The following CAMKMT variants were observed in gnomAD, a reference collection of about 807,000 sequenced individuals.
The protein encoded by CAMKMT is calmodulin-lysine N-methyltransferase.
Under a neutral mutation model 48.0 loss-of-function variants are expected in CAMKMT, and 53 were observed. The ratio of observed to expected loss-of-function variants is 1.10; its 90% CI spans 0.89 to 1.39. The LOEUF (loss-of-function observed/expected upper bound fraction) is 1.39, where lower values mean the gene tolerates loss of function less well. CAMKMT is among the 40% of genes most tolerant of loss of function. CAMKMT has a pLI of 0.00. For missense variants in CAMKMT, 428 were observed against 402.7 expected (o/e 1.06, Z -0.54); for synonymous variants, 165 against 152.3 (o/e 1.08, Z -0.61).
At chr2:44,409,195 A>G (rs185768810) in intron 3 of CAMKMT, among the ~76,000 whole-genome samples, 1 of 138,896 alleles carries the variant, frequency 7.2e-6, no homozygotes, top group African/African-American at 2.9e-5. Flanking sequence ...ATATTGCTAC[A>G]TAAAGACAAC....
chr2:44,570,169 C>T (rs954837061), intron 3 of CAMKMT, among the ~76,000 whole-genome samples: 1 of 152,108 alleles, frequency 6.6e-6, no homozygotes, highest in African/African-American at 2.4e-5. Flanking sequence ...AAATGAATGT[C>T]TGAAATAAAA....
intron 3 of CAMKMT, among the ~76,000 whole-genome samples, chr2:44,428,179 C>T (rs1308108596): frequency 1.3e-5 from 2 of 152,112 alleles, no homozygotes; most frequent in Non-Finnish European, 2.9e-5. Context: ...TCAGATCACA[C>T]GGACTTGAAG....
At chr2:44,417,915 G>A (rs868674098) in intron 3 of CAMKMT, among the ~76,000 whole-genome samples, 5 of 152,022 alleles carry the variant, frequency 3.3e-5, no homozygotes, top group East Asian at 1.9e-4. Flanking sequence ...GTTGTAGGCC[G>A]GGCATTGTGG....
intron 3 of CAMKMT, among the ~76,000 whole-genome samples, chr2:44,558,040 TTCATTCATTC>T (rs1558701533): frequency 3.8e-4 from 11 of 29,156 alleles, no homozygotes; most frequent in Admixed American, 3.3e-3. Context: ...TATTTATTCA[TTCATTCATTC>T]ATTCATTCAT....
intron 3 of CAMKMT, among the ~76,000 whole-genome samples, chr2:44,508,824 G>A (rs939081257): frequency 2.0e-5 from 3 of 152,082 alleles, no homozygotes; most frequent in African/African-American, 7.2e-5. Flanking sequence ...AGCTGGGTGT[G>A]GTGGCTCACG....
At chr2:44,424,175 A>G (rs955812573) in intron 3 of CAMKMT, among the ~76,000 whole-genome samples, 3 of 151,918 alleles carry the variant, frequency 2.0e-5, no homozygotes, top group African/African-American at 7.3e-5. Flanking sequence ...TATACCTTAT[A>G]TATTATCTAA....
At chr2:44,432,958 G>A (rs926128093) in intron 3 of CAMKMT, among the ~76,000 whole-genome samples, 1 of 152,096 alleles carries the variant, frequency 6.6e-6, no homozygotes, top group Non-Finnish European at 1.5e-5. Context: ...TTGGCACATG[G>A]TAAATGCTCA....
intron 3 of CAMKMT, among the ~76,000 whole-genome samples, chr2:44,449,757 T>C (rs1667193329): frequency 6.6e-6 from 1 of 152,158 alleles, no homozygotes; most frequent in African/African-American, 2.4e-5. Context: ...GTATCTGACA[T>C]GAAATAACAC....
rs945804868 is a variant in CAMKMT, at chr2:44,467,068, T to C, written c.376+76763T>C. 3.0e-4 allele frequency among the ~76,000 whole-genome samples: 45 copies of C among 151,932 alleles called. 1 individual carries two copies. The highest frequency in any genetic ancestry group is 1.1e-3 in the African/African-American group (44 of 41,356). ...GAGTTTGAGATCAGCCTGGGCAACA[T>C]AGTGAGACCCTGTCTATACAAAAAA... On this transcript the variant is annotated intron_variant, in intron 3 of 10. Coordinates refer to ENST00000378494, the MANE Select transcript of CAMKMT (RefSeq NM_024766.5).
At chr2:44,623,055 G>C (rs1672286469) in intron 3 of CAMKMT, among the ~76,000 whole-genome samples, 1 of 151,616 alleles carries the variant, frequency 6.6e-6, no homozygotes, top group African/African-American at 2.4e-5. Context: ...TGGTATGTCG[G>C]TGATTTGCAT....
chr2:44,604,558 G>GTTTTTTTT (rs34125010), intron 3 of CAMKMT, among the ~76,000 whole-genome samples: 2 of 143,338 alleles, frequency 1.4e-5, no homozygotes, highest in African/African-American at 2.6e-5. Flanking sequence ...AGCCAATCTG[G>GTTTTTTTT]TTTTTTTTTT....
chr2:44,516,507 T>C (rs1670840537), intron 3 of CAMKMT, among the ~76,000 whole-genome samples: 1 of 152,164 alleles, frequency 6.6e-6, no homozygotes, highest in South Asian at 2.1e-4. Context: ...TGTCCCTCTC[T>C]AAATATATTT....
rs924086323 is a variant in CAMKMT, at chr2:44,463,993, G to A, written c.376+73688G>A. On this transcript the variant is annotated intron_variant, in intron 3 of 10. Coordinates refer to ENST00000378494, the MANE Select transcript of CAMKMT (RefSeq NM_024766.5). ...AAATAAATCTCCATTAACTGACTCC[G>A]AAGAAACAGAGATCTATTAGTTACC... Among the ~76,000 whole-genome samples the A allele has an allele frequency of 2.6e-5, 4 of 152,240 alleles. No homozygotes were observed. The South Asian group carries it at 6.2e-4, about 24-fold the overall frequency.
intron 9 of CAMKMT, among the ~76,000 whole-genome samples, chr2:44,755,334 G>A (rs1558837154): frequency 1.3e-5 from 2 of 152,148 alleles, no homozygotes; most frequent in Non-Finnish European, 2.9e-5. Context: ...GGCCACCCAA[G>A]TTGAGGACAG....
intron 3 of CAMKMT, among the ~76,000 whole-genome samples, chr2:44,643,004 A>G (rs572942290): frequency 6.6e-6 from 1 of 152,290 alleles, no homozygotes; most frequent in Admixed American, 6.5e-5. Flanking sequence ...AAAGGCAAAG[A>G]CAGTAAAATA....
chr2:44,372,058 T>A (rs916624516), intron 1 of CAMKMT, among the ~76,000 whole-genome samples: 2 of 152,352 alleles, frequency 1.3e-5, no homozygotes, highest in Admixed American at 1.3e-4. Context: ...TCAACTTTTC[T>A]CTCCTAGCTC....
At chr2:44,419,096 G>C (rs1683757802) in intron 3 of CAMKMT, among the ~76,000 whole-genome samples, 1 of 152,156 alleles carries the variant, frequency 6.6e-6, no homozygotes, top group Non-Finnish European at 1.5e-5. Flanking sequence ...TAAATTATTA[G>C]AAAAAGCCCT....
intron 3 of CAMKMT, among the ~76,000 whole-genome samples, chr2:44,596,583 A>G (rs1373264061): frequency 1.3e-5 from 2 of 152,204 alleles, no homozygotes; most frequent in Admixed American, 1.3e-4. Flanking sequence ...TGTAGTACAC[A>G]CATTTTAGAA....
At chr2:44,655,782 T>C (rs1336558908) in intron 3 of CAMKMT, among the ~76,000 whole-genome samples, 3 of 152,184 alleles carry the variant, frequency 2.0e-5, no homozygotes, top group African/African-American at 7.2e-5. Flanking sequence ...CTTGTTCAAC[T>C]TGATGACATT....
Sources: gnomAD v4.1 joint callset for allele counts (sites outside exome capture counted in the v4.1 genomes callset) on GRCh38, gnomAD v4.1.1 for gene constraint, MANE v1.5 for transcripts, NCBI Gene and HGNC (gene_info 2026-07-23, HGNC 2026-07-21) for gene names.